MYO3B: variants seen among roughly 807,000 people sequenced by gnomAD.
MYO3B encodes myosin IIIB, also known as myosin-IIIb.
Under a neutral mutation model 174.6 loss-of-function variants are expected in MYO3B, and 156 were observed. The observed-to-expected ratio is 0.89, with a 90% CI of 0.78 to 1.02. The LOEUF (loss-of-function observed/expected upper bound fraction) is 1.02. Ranked by LOEUF, MYO3B falls within the 50% of genes least tolerant of loss-of-function variation. The probability of loss-of-function intolerance (pLI) is 0.00; values close to 1 mark genes in which losing one functional copy is unlikely to be tolerated. For missense variants in MYO3B, 1,632 were observed against 1,639.4 expected, an observed-to-expected ratio of 1.00 and a Z score of 0.08; for synonymous variants, 563 against 569.1, an observed-to-expected ratio of 0.99 and a Z score of 0.15.
intron 30 of MYO3B, among the ~76,000 whole-genome samples, chr2:170,526,701 G>T (rs1689024773): frequency 6.6e-6 from 1 of 152,166 alleles, no homozygotes; most frequent in African/African-American, 2.4e-5. Context: ...TTGGTCACGT[G>T]TATTTTCAAA....
intron 22 of MYO3B, chr2:170,412,251 G>C (rs2094550814): frequency 1.3e-5 from 2 of 152,196 alleles, no homozygotes; most frequent in Admixed American, 1.3e-4. Flanking sequence ...AAGAAACAGA[G>C]TTTCAAAAAG....
At chr2:170,237,519 G>A (rs1009062585) in intron 7 of MYO3B, among the ~76,000 whole-genome samples, 1 of 134,166 alleles carries the variant, frequency 7.5e-6, no homozygotes, top group Admixed American at 7.3e-5. Context: ...GCAGCAAAGA[G>A]TGTGTGTTTT....
intron 25 of MYO3B, among the ~76,000 whole-genome samples, chr2:170,471,987 G>A (rs1230747595): frequency 2.1e-3 from 294 of 141,884 alleles, no homozygotes; most frequent in African/African-American, 7.1e-3. Context: ...GTGAAACTCT[G>A]TCTAAAAAAA....
intron 32 of MYO3B, chr2:170,601,757 C>T: frequency 2.1e-6 from 3 of 1,418,456 alleles, no homozygotes; most frequent in Admixed American, 1.8e-5. Context: ...GTAGCTGTAT[C>T]CTTTTTGTAT....
At chr2:170,645,108 G>T (rs958475628) in intron 32 of MYO3B, among the ~76,000 whole-genome samples, 7 of 152,162 alleles carry the variant, frequency 4.6e-5, no homozygotes, top group Admixed American at 1.3e-4. Flanking sequence ...GGGCATCTAT[G>T]CGAGGTAGAA....
intron 32 of MYO3B, among the ~76,000 whole-genome samples, chr2:170,572,107 G>A (rs1232875135): frequency 6.6e-6 from 1 of 152,052 alleles, no homozygotes; most frequent in African/African-American, 2.4e-5. Context: ...GAGCTCAGGA[G>A]TTCAAGACCA....
chr2:170,253,916 C>T (rs996829693), intron 7 of MYO3B, among the ~76,000 whole-genome samples: 10 of 152,082 alleles, frequency 6.6e-5, no homozygotes, highest in East Asian at 5.8e-4. Flanking sequence ...AGTGATAAGA[C>T]GGCTGATTAG....
At chr2:170,620,128 G>T (rs952656766) in intron 32 of MYO3B, among the ~76,000 whole-genome samples, 1 of 152,044 alleles carries the variant, frequency 6.6e-6, no homozygotes, top group Non-Finnish European at 1.5e-5. Flanking sequence ...TACTCCAAGT[G>T]AGATGATAAA....
chr2:170,234,682 C>T (rs1164431215), intron 6 of MYO3B, among the ~76,000 whole-genome samples: 1 of 152,166 alleles, frequency 6.6e-6, no homozygotes, highest in African/African-American at 2.4e-5. Flanking sequence ...CCACTCTTCA[C>T]CCCAAACCTG....
chr2:170,643,166 T>C (rs1484888317), intron 32 of MYO3B, among the ~76,000 whole-genome samples: 1 of 152,242 alleles, frequency 6.6e-6, no homozygotes. Context: ...GCTTTGCCTC[T>C]AACTGTATAA....
intron 22 of MYO3B, among the ~76,000 whole-genome samples, chr2:170,418,563 A>G (rs558562946): frequency 4.6e-5 from 7 of 152,314 alleles, no homozygotes; most frequent in Admixed American, 2.0e-4. Context: ...AATAACAGCC[A>G]ATGTTTACAA....
At position 170,507,947 on chromosome 2, in the gene MYO3B, G is replaced by A. The variant is rs557809326; in HGVS notation, c.3370+6082G>A. On this transcript the variant is annotated intron_variant, in intron 28 of 34. Coordinates refer to ENST00000408978, the MANE Select transcript of MYO3B (RefSeq NM_138995.5). ...CTTGGAATGCACAGGAATCTCCTTT[G>A]CTATGGAATAAAATTATTGCCCATG... Among the ~76,000 whole-genome samples the A allele has an allele frequency of 2.0e-5, 3 of 152,276 alleles. No homozygotes were observed. In the South Asian group the frequency reaches 6.2e-4, roughly 32 times the overall value.
intron 26 of MYO3B, 103 bp from the exon 27 acceptor site, chr2:170,499,540 TTTA>T (rs776083010): frequency 7.8e-5 from 65 of 832,370 alleles, no homozygotes; most frequent in Middle Eastern, 3.9e-4. Flanking sequence ...CGCTATAAAC[TTTA>T]TTTATATCAT....
At chr2:170,278,852 C>T (rs1559354820) in intron 7 of MYO3B, among the ~76,000 whole-genome samples, 1 of 152,024 alleles carries the variant, frequency 6.6e-6, no homozygotes, top group African/African-American at 2.4e-5. Flanking sequence ...TTTTAGTTCC[C>T]ACATTGGAAT....
intron 7 of MYO3B, among the ~76,000 whole-genome samples, chr2:170,260,145 A>G (rs1354842984): frequency 2.6e-5 from 4 of 152,242 alleles, no homozygotes; most frequent in Admixed American, 6.5e-5. Flanking sequence ...AAGCAGTGGA[A>G]AGCAGTTTTG....
intron 10 of MYO3B, 187 bp from the exon 11 acceptor site, chr2:170,382,886 T>C (rs1310523062): frequency 2.0e-6 from 1 of 490,878 alleles, no homozygotes; most frequent in East Asian, 3.2e-5. Flanking sequence ...TCCTATTTTT[T>C]CTTTCAAGGC....
At chr2:170,456,879 C>T (rs541251420) in intron 23 of MYO3B, among the ~76,000 whole-genome samples, 2 of 152,268 alleles carry the variant, frequency 1.3e-5, no homozygotes, top group Admixed American at 6.5e-5. Flanking sequence ...TTTTTGTCGT[C>T]GTTCATTCAT....
At chr2:170,211,191 A>G (rs1275893658) in intron 3 of MYO3B, among the ~76,000 whole-genome samples, 8 of 152,184 alleles carry the variant, frequency 5.3e-5, no homozygotes, top group Admixed American at 5.2e-4. Flanking sequence ...GAGTTATCTT[A>G]GGGCCTGCCA....
chr2:170,503,903 A>C (rs1239428385), intron 28 of MYO3B, among the ~76,000 whole-genome samples: 1 of 152,206 alleles, frequency 6.6e-6, no homozygotes, highest in Admixed American at 6.5e-5. Context: ...TTGGTGGTAA[A>C]GATGCATGAA....
Sources: allele counts gnomAD v4.1 joint callset (sites outside exome capture counted in the v4.1 genomes callset), GRCh38; gene constraint gnomAD v4.1.1; transcripts MANE v1.5; gene names NCBI Gene and HGNC (gene_info 2026-07-23, HGNC 2026-07-21).